Variants in PRKG1 observed in about 807,000 individuals in gnomAD.
The protein encoded by PRKG1 is protein kinase cGMP-dependent 1.
Under a neutral mutation model 88.1 loss-of-function variants are expected in PRKG1, and 35 were observed. The ratio of observed to expected loss-of-function variants is 0.40; its 90% CI spans 0.30 to 0.53. The LOEUF is 0.53. PRKG1 is among the 20% of genes least tolerant of loss of function. The pLI, the probability that PRKG1 is intolerant of heterozygous loss-of-function variation, is 0.59. For missense variants in PRKG1, 540 were observed against 839.8 expected, an observed-to-expected ratio of 0.64 and a Z score of 4.41; for synonymous variants, 303 against 292.5, an observed-to-expected ratio of 1.04 and a Z score of -0.37.
chr10:51,096,481 C>T (rs113637896), intron 1 of PRKG1, among the ~76,000 whole-genome samples: 10 of 152,192 alleles, frequency 6.6e-5, no homozygotes, highest in South Asian at 2.1e-4. Context: ...AATTCAAATT[C>T]GAGTTTTGAC....
Position 51,955,301 on chromosome 10 carries a change from G to T in PRKG1, c.762+47731G>T, listed in dbSNP as rs182564207. 1.2e-4 allele frequency among the ~76,000 whole-genome samples: 19 copies of T among 152,120 alleles called. No individual in the cohort carries two copies. In the South Asian group the frequency reaches 3.7e-3, roughly 30 times the overall value. On this transcript the variant is annotated intron_variant, in intron 5 of 17. Coordinates refer to ENST00000373980, the MANE Select transcript of PRKG1 (RefSeq NM_006258.4). ...CACCAATATTTGACAGCCCTTTAAG[G>T]TTAAGGTACTATAGGTTAAGGTGCT... is the stretch of plus-strand genomic sequence containing the variant.
At chr10:52,036,136 C>CGGCA (rs1406531549) in intron 5 of PRKG1, among the ~76,000 whole-genome samples, 1 of 151,880 alleles carries the variant, frequency 6.6e-6, no homozygotes, top group Non-Finnish European at 1.5e-5. Flanking sequence ...TGAAGCTTTG[C>CGGCA]GGCAGTACAG....
At chr10:51,886,424 C>T (rs1841570680) in intron 4 of PRKG1, among the ~76,000 whole-genome samples, 1 of 152,052 alleles carries the variant, frequency 6.6e-6, no homozygotes, top group South Asian at 2.1e-4. Context: ...TTTATTTTCC[C>T]TAGAATTAGA....
chr10:52,050,038 TGA>T (rs906661712), intron 5 of PRKG1, among the ~76,000 whole-genome samples: 10 of 146,384 alleles, frequency 6.8e-5, no homozygotes, highest in South Asian at 6.6e-4. Flanking sequence ...TGTGTGTGTG[TGA>T]GAGAGAGAGA....
intron 1 of PRKG1, among the ~76,000 whole-genome samples, chr10:51,049,865 A>AC (rs1843539551): frequency 6.6e-6 from 1 of 152,156 alleles, no homozygotes; most frequent in South Asian, 2.1e-4. Context: ...TAAAATCCGA[A>AC]AGTACCCATA....
intron 1 of PRKG1, among the ~76,000 whole-genome samples, chr10:51,104,876 G>A (rs1433586359): frequency 6.6e-6 from 1 of 151,672 alleles, no homozygotes; most frequent in Non-Finnish European, 1.5e-5. Context: ...ATTACAGGCG[G>A]GTGGCACCAT....
intron 3 of PRKG1, among the ~76,000 whole-genome samples, chr10:51,749,175 A>G (rs534298889): frequency 6.6e-6 from 1 of 152,360 alleles, no homozygotes; most frequent in East Asian, 1.9e-4. Context: ...CTGAACTGGG[A>G]AATGCAGGTT....
intron 1 of PRKG1, among the ~76,000 whole-genome samples, chr10:51,110,953 T>C (rs1186335989): frequency 6.6e-6 from 1 of 152,164 alleles, no homozygotes; most frequent in Non-Finnish European, 1.5e-5. Context: ...TAACTGTATT[T>C]GAAAAAGCAT....
At chr10:51,027,706 C>T (rs1564574734) in intron 1 of PRKG1, among the ~76,000 whole-genome samples, 1 of 152,100 alleles carries the variant, frequency 6.6e-6, no homozygotes, top group Non-Finnish European at 1.5e-5. Context: ...AGGTTACTCT[C>T]AGATGGGAAA....
chr10:51,887,833 G>A (rs534293416), intron 4 of PRKG1, among the ~76,000 whole-genome samples: 13 of 152,092 alleles, frequency 8.5e-5, no homozygotes, highest in African/African-American at 2.9e-4. Flanking sequence ...CCTTTATATT[G>A]GACATTAATC....
At chr10:51,915,225 T>G (rs1313599195) in intron 5 of PRKG1, among the ~76,000 whole-genome samples, 1 of 152,178 alleles carries the variant, frequency 6.6e-6, no homozygotes, top group Non-Finnish European at 1.5e-5. Flanking sequence ...ACTGTGAAGC[T>G]CTCTCTTTTA....
At chr10:51,018,753 CA>C (rs1336785216) in intron 1 of PRKG1, among the ~76,000 whole-genome samples, 1 of 152,060 alleles carries the variant, frequency 6.6e-6, no homozygotes, top group African/African-American at 2.4e-5. Context: ...TAGTAGGGCT[CA>C]AAAAGGAAGT....
chr10:51,399,914 G>A (rs293234), intron 2 of PRKG1, among the ~76,000 whole-genome samples: 2,853 of 152,246 alleles, frequency 0.019, 81 homozygotes, highest in African/African-American at 0.065. Context: ...CTCCTCATTG[G>A]GCAGGATCCA....
At chr10:51,017,010 A>C (rs1158541437) in intron 1 of PRKG1, among the ~76,000 whole-genome samples, 3 of 151,714 alleles carry the variant, frequency 2.0e-5, no homozygotes, top group Non-Finnish European at 4.4e-5. Context: ...GGCTCAAATT[A>C]ATCCAGTGAC....
chr10:51,285,357 G>T (rs929636936), intron 2 of PRKG1, among the ~76,000 whole-genome samples: 8 of 151,892 alleles, frequency 5.3e-5, no homozygotes, highest in Admixed American at 5.2e-4. Context: ...GTTTACTTAG[G>T]TTCACAACTT....
At chr10:51,082,085 A>G (rs1284915557) in intron 1 of PRKG1, among the ~76,000 whole-genome samples, 3 of 152,124 alleles carry the variant, frequency 2.0e-5, no homozygotes, top group Non-Finnish European at 4.4e-5. Flanking sequence ...TAGGACAAAA[A>G]CAACCCTATG....
chr10:51,606,752 G>A (rs187937598), intron 3 of PRKG1, among the ~76,000 whole-genome samples: 1 of 152,234 alleles, frequency 6.6e-6, no homozygotes, highest in East Asian at 1.9e-4. Context: ...TCTTAAATGA[G>A]TGAATCTAAG....
chr10:51,752,118 A>G (rs1220014003), intron 3 of PRKG1, among the ~76,000 whole-genome samples: 1 of 152,004 alleles, frequency 6.6e-6, no homozygotes, highest in African/African-American at 2.4e-5. Flanking sequence ...TGCATTTTCC[A>G]TATCATTTGC....
At chr10:51,968,988 G>A (rs1843640419) in intron 5 of PRKG1, among the ~76,000 whole-genome samples, 1 of 152,014 alleles carries the variant, frequency 6.6e-6, no homozygotes, top group South Asian at 2.1e-4. Context: ...GAACTGTTGT[G>A]TGAAATCACT....
Sources: gnomAD v4.1 joint callset for allele counts (sites outside exome capture counted in the v4.1 genomes callset) on GRCh38, gnomAD v4.1.1 for gene constraint, MANE v1.5 for transcripts, NCBI Gene and HGNC (gene_info 2026-07-23, HGNC 2026-07-21) for gene names.